Variants in PEMT observed in about 807,000 individuals in gnomAD.
The protein encoded by PEMT is phosphatidylethanolamine N-methyltransferase, also known as phospholipid methyltransferase.
PEMT carries 23 observed loss-of-function variants against 27.4 expected under a neutral mutation model. That is an observed-to-expected ratio of 0.84 (90% CI 0.60 to 1.19). PEMT has a LOEUF of 1.19. Among genes scored for constraint, PEMT ranks in the 50% most tolerant of loss-of-function variants. The probability of loss-of-function intolerance (pLI) is 0.00; values close to 1 mark genes in which losing one functional copy is unlikely to be tolerated. For synonymous variants in PEMT, 137 were observed against 139.1 expected, an observed-to-expected ratio of 0.98 and a Z score of 0.11; for missense variants, 307 against 310.1, an observed-to-expected ratio of 0.99 and a Z score of 0.07.
rs555554902 is a variant in PEMT, at chr17:17,558,380, C to T, written c.204+18540G>A. Among the ~76,000 whole-genome samples the T allele has an allele frequency of 3.6e-4, 54 of 151,916 alleles. 3 individuals carry two copies. The highest frequency in any genetic ancestry group is 6.8e-3 in the Middle Eastern group (2 of 292). Reference sequence around the variant, plus strand: ...AAAATTAGCTGGGTGTGGTGGCACACGCCTGTAATCCCAGCTACTTGGGAG... The same window carrying T: ...AAAATTAGCTGGGTGTGGTGGCACATGCCTGTAATCCCAGCTACTTGGGAG... On this transcript the variant is annotated intron_variant, in intron 2 of 6. Coordinates refer to ENST00000255389, the MANE Select transcript of PEMT (RefSeq NM_148172.3).
At chr17:17,567,283 C>T (rs1301348965) in intron 2 of PEMT, among the ~76,000 whole-genome samples, 1 of 152,242 alleles carries the variant, frequency 6.6e-6, no homozygotes, top group Non-Finnish European at 1.5e-5. Flanking sequence ...TGTGAGCTGA[C>T]CCAGTTCGAG....
At chr17:17,550,553 C>A (rs1352277772) in intron 2 of PEMT, among the ~76,000 whole-genome samples, 1 of 152,186 alleles carries the variant, frequency 6.6e-6, no homozygotes, top group Non-Finnish European at 1.5e-5. Flanking sequence ...CAAACAAGAA[C>A]AGAAGTGTCG....
intron 1 of PEMT, among the ~76,000 whole-genome samples, chr17:17,590,153 T>C (rs1259107781): frequency 6.6e-6 from 1 of 151,792 alleles, no homozygotes; most frequent in Non-Finnish European, 1.5e-5. Flanking sequence ...CAGATACAGG[T>C]TCACCTGGTG....
In PEMT at chr17:17,584,104, G is replaced by A. The variant is rs75795950; in HGVS notation, c.97-7077C>T. ...TTCTCAAGGCCCTGCTCGCCTCCAC[G>A]CTGGGCTGCCTCTTCTCACTCCTCT... On this transcript the variant is annotated intron_variant, in intron 1 of 6. Coordinates refer to ENST00000255389, the MANE Select transcript of PEMT (RefSeq NM_148172.3). Among the ~76,000 whole-genome samples the A allele has an allele frequency of 8.4e-4, 128 of 152,318 alleles. 6 individuals are homozygous for A. The East Asian group carries it at 0.024, about 28-fold the overall frequency.
intron 2 of PEMT, among the ~76,000 whole-genome samples, chr17:17,528,469 C>T (rs1387589416): frequency 2.0e-5 from 3 of 152,238 alleles, no homozygotes; most frequent in African/African-American, 4.8e-5. Flanking sequence ...ATGATGGATA[C>T]ATCAGCGCTC....
chr17:17,585,972 A>G (rs1214185195), intron 1 of PEMT, among the ~76,000 whole-genome samples: 2 of 151,074 alleles, frequency 1.3e-5, no homozygotes, highest in Non-Finnish European at 2.9e-5. Context: ...AGTCCCAGCT[A>G]CTCGGGAGGC....
intron 2 of PEMT, among the ~76,000 whole-genome samples, chr17:17,528,452 G>A (rs1455231996): frequency 6.6e-6 from 1 of 152,250 alleles, no homozygotes; most frequent in Non-Finnish European, 1.5e-5. Context: ...GCACGGGTCT[G>A]TGTGGAATGA....
upstream of PEMT, chr17:17,591,775 C>T: frequency 7.0e-7 from 1 of 1,432,308 alleles, no homozygotes; most frequent in East Asian, 2.6e-5. Context: ...ATGTAGTTCC[C>T]CGTCACCGCG....
Position 17,561,744 on chromosome 17 carries a change from C to G in PEMT, c.204+15176G>C, listed in dbSNP as rs940294138. ...GAGAGGCCCAGAGATATGAGGGGGG[C>G]ACAACCGCACCGGGCTCCCGAGGAT... On this transcript the variant is annotated intron_variant, in intron 2 of 6. Coordinates refer to ENST00000255389, the MANE Select transcript of PEMT (RefSeq NM_148172.3). The surrounding 1 kb of genome is among the most constrained non-coding windows in gnomAD (Gnocchi z 4.5). Among the ~76,000 whole-genome samples the G allele has an allele frequency of 9.2e-5, 14 of 152,338 alleles. No homozygotes were observed. Among genetic ancestry groups the G allele is most frequent in the Non-Finnish European group, 1.6e-4 (11 of 68,032 alleles).
rs566252671 is a variant in PEMT, at chr17:17,580,949, C to A, written c.97-3922G>T. On this transcript the variant is annotated intron_variant, in intron 1 of 6. Transcript: ENST00000255389. Reference sequence around the variant, plus strand: ...TACCTATGGACCAGCATGCTGTTAGCCAAGCCAAAGAGGAGAAAGGGCAGA... The same window carrying A: ...TACCTATGGACCAGCATGCTGTTAGACAAGCCAAAGAGGAGAAAGGGCAGA... Among the ~76,000 whole-genome samples the A allele has an allele frequency of 3.3e-5, 5 of 152,238 alleles. No individual in the cohort carries two copies. In the East Asian group the frequency reaches 7.7e-4, roughly 24 times the overall value.
At chr17:17,507,369 T>A in intron 5 of PEMT, 3 of 643,866 alleles carry the variant, frequency 4.7e-6, no homozygotes, top group Non-Finnish European at 5.6e-6. Flanking sequence ...CACAAGAACC[T>A]CAGGCAGGGC....
chr17:17,591,493 C>G, intron 1 of PEMT, 38 bp downstream of exon 1: 1 of 1,537,560 alleles, frequency 6.5e-7, no homozygotes, highest in Non-Finnish European at 9.0e-7. Flanking sequence ...TTGCAGATCC[C>G]TCTCCCAGTT....
At chr17:17,545,798 C>G (rs779278331) in intron 2 of PEMT, among the ~76,000 whole-genome samples, 1 of 152,136 alleles carries the variant, frequency 6.6e-6, no homozygotes, top group Non-Finnish European at 1.5e-5. Context: ...GCGTTCGTGA[C>G]GTCAGCTACC....
At chr17:17,587,893 AAATT>A (rs1489931184) in intron 1 of PEMT, among the ~76,000 whole-genome samples, 2 of 152,136 alleles carry the variant, frequency 1.3e-5, no homozygotes, top group Non-Finnish European at 2.9e-5. Flanking sequence ...TAAAATAAAT[AAATT>A]AATTAAATCA....
At chr17:17,557,542 C>A (rs1258921656) in intron 2 of PEMT, among the ~76,000 whole-genome samples, 2 of 152,350 alleles carry the variant, frequency 1.3e-5, no homozygotes, top group East Asian at 3.9e-4. Flanking sequence ...CTAAGCAGGT[C>A]CCTGCAGCCT....
intron 1 of PEMT, among the ~76,000 whole-genome samples, chr17:17,589,574 A>G (rs959072402): frequency 5.3e-5 from 8 of 152,180 alleles, no homozygotes; most frequent in Non-Finnish European, 1.2e-4. Flanking sequence ...GTGGCACACG[A>G]TGTTTCTACT....
chr17:17,509,155 C>T (rs1906142808), intron 5 of PEMT, among the ~76,000 whole-genome samples: 1 of 152,270 alleles, frequency 6.6e-6, no homozygotes, highest in Non-Finnish European at 1.5e-5. Context: ...TTTTGTGTGG[C>T]AGGACCAGGG....
intron 1 of PEMT, among the ~76,000 whole-genome samples, chr17:17,579,005 A>G (rs1911812593): frequency 6.6e-6 from 1 of 152,262 alleles, no homozygotes. Flanking sequence ...GATCTTTCCC[A>G]TAATGGTGTG....
intron 2 of PEMT, among the ~76,000 whole-genome samples, chr17:17,575,987 G>A (rs1911559174): frequency 6.6e-6 from 1 of 152,172 alleles, no homozygotes; most frequent in Admixed American, 6.5e-5. Context: ...GGAACAATGT[G>A]CTGCTGACGC....
Sources: gnomAD v4.1 joint callset for allele counts (sites outside exome capture counted in the v4.1 genomes callset) on GRCh38, gnomAD v4.1.1 for gene constraint, Gnocchi (gnomAD v3.1) non-coding constraint, MANE v1.5 for transcripts, NCBI Gene and HGNC (gene_info 2026-07-23, HGNC 2026-07-21) for gene names.